CLIP2: variants seen among roughly 807,000 people sequenced by gnomAD.
CLIP2 encodes CAP-Gly domain-containing linker protein 2.
In CLIP2, 41 loss-of-function variants were observed where a neutral mutation model predicts 111.7. The observed-to-expected ratio is 0.37, with a 90% CI of 0.29 to 0.48. CLIP2 has a LOEUF of 0.48. Ranked by LOEUF, CLIP2 falls within the 20% of genes least tolerant of loss-of-function variation. The pLI, the probability that CLIP2 is intolerant of heterozygous loss-of-function variation, is 0.99. For missense variants in CLIP2, 1,160 were observed against 1,422.1 expected (o/e 0.82, Z 2.96); for synonymous variants, 660 against 644.2 (o/e 1.02, Z -0.37).
chr7:74,357,533 C>T (rs1386498601), intron 6 of CLIP2, 56 bp downstream of exon 6: 19 of 1,532,078 alleles, frequency 1.2e-5, no homozygotes, highest in Non-Finnish European at 1.4e-5. Context: ...CATAGAGTCT[C>T]ACCCACTCAG....
chr7:74,314,844 G>A (rs1788727931), intron 1 of CLIP2, among the ~76,000 whole-genome samples: 1 of 151,876 alleles, frequency 6.6e-6, no homozygotes, highest in Admixed American at 6.6e-5. Context: ...CCACCCCTCC[G>A]GCCCCCTGCA....
At chr7:74,319,235 G>A (rs142760723) in intron 2 of CLIP2, among the ~76,000 whole-genome samples, 7 of 152,262 alleles carry the variant, frequency 4.6e-5, no homozygotes, top group South Asian at 2.1e-4. Context: ...GAAAAAGGCC[G>A]GGGACGGTGG....
chr7:74,399,849 T>C (rs1791569795), intron 14 of CLIP2, among the ~76,000 whole-genome samples: 1 of 151,422 alleles, frequency 6.6e-6, no homozygotes, highest in South Asian at 2.1e-4. Flanking sequence ...CTCTGTCTCT[T>C]TTTTTAATTA....
chr7:74,381,530 G>A (rs1466457907), intron 11 of CLIP2: 3 of 449,876 alleles, frequency 6.7e-6, no homozygotes, highest in Non-Finnish European at 1.3e-5. Context: ...ATGGTTCAAA[G>A]GGCATATGGC....
At chr7:74,348,214 C>A (rs961620671) in intron 3 of CLIP2, among the ~76,000 whole-genome samples, 2 of 151,998 alleles carry the variant, frequency 1.3e-5, no homozygotes, top group Non-Finnish European at 2.9e-5. Flanking sequence ...ATTAGAGAAC[C>A]TATTTACAGA....
At chr7:74,379,463 T>C (rs2116664849) in intron 10 of CLIP2, among the ~76,000 whole-genome samples, 1 of 152,118 alleles carries the variant, frequency 6.6e-6, no homozygotes, top group East Asian at 1.9e-4. Context: ...ATATGGGAAT[T>C]TTAAAAATTA....
intron 3 of CLIP2, among the ~76,000 whole-genome samples, chr7:74,347,525 C>T (rs552456249): frequency 5.6e-4 from 86 of 152,254 alleles, no homozygotes; most frequent in Non-Finnish European, 1.1e-3. Context: ...GCCTCGGCCT[C>T]CCAAAGTGCT....
At chr7:74,342,143 A>T (rs1789672482) in intron 3 of CLIP2, among the ~76,000 whole-genome samples, 1 of 152,150 alleles carries the variant, frequency 6.6e-6, no homozygotes, top group Middle Eastern at 3.2e-3. Flanking sequence ...TGGGAGGCTG[A>T]GGCAGGTGGA....
At chr7:74,352,182 C>T (rs1005916386) in intron 3 of CLIP2, among the ~76,000 whole-genome samples, 1 of 152,098 alleles carries the variant, frequency 6.6e-6, no homozygotes, top group Non-Finnish European at 1.5e-5. Flanking sequence ...ACACCTGTAT[C>T]CCAGCACTTT....
chr7:74,401,472 C>T (rs1554317623), intron 15 of CLIP2, 33 bp from the exon 16 acceptor site: 1 of 1,609,292 alleles, frequency 6.2e-7, no homozygotes, highest in African/African-American at 1.3e-5. Context: ...CTGCCTGGTG[C>T]ACCTGGCTCA....
In CLIP2 at chr7:74,379,715, G is replaced by A. The variant is rs578013909; in HGVS notation, c.2422-1091G>A. Reference sequence around the variant, plus strand: ...CTGGAGGCAGAGGTTGCAGTGAGCCGAGATCACGCCACTGCACTCCAGCCT... The same window carrying A: ...CTGGAGGCAGAGGTTGCAGTGAGCCAAGATCACGCCACTGCACTCCAGCCT... On this transcript the variant is annotated intron_variant, in intron 10 of 16. Transcript: ENST00000223398. 6.6e-5 allele frequency among the ~76,000 whole-genome samples: 10 copies of A among 151,070 alleles called. No individual in the cohort carries two copies. The East Asian group carries it at 1.8e-3, about 27-fold the overall frequency.
chr7:74,380,743 C>A (rs369338210), intron 10 of CLIP2, 63 bp from the exon 11 acceptor site: 2 of 1,418,592 alleles, frequency 1.4e-6, no homozygotes, highest in Non-Finnish European at 1.9e-6. Flanking sequence ...GCTTGCTGGG[C>A]TGGCTGGGGC....
At chr7:74,310,013 A>G (rs1788600943) in intron 1 of CLIP2, among the ~76,000 whole-genome samples, 1 of 120,912 alleles carries the variant, frequency 8.3e-6, no homozygotes, top group Non-Finnish European at 1.8e-5. Context: ...CAGCTTGGGC[A>G]ATATGGCAAG....
chr7:74,338,497 A>G lies in CLIP2; in HGVS notation c.171A>G (p.Ala57=), dbSNP rs1554732588. Residue 57 remains alanine (A), a synonymous_variant, in exon 3 of 17, where the codon GCA becomes GCG. Coordinates refer to ENST00000223398, the MANE Select transcript of CLIP2 (RefSeq NM_003388.5). The surrounding 1 kb of genome is among the most constrained non-coding windows in gnomAD (Gnocchi z 4.3). ...QSSGPSSSPA[A]AAAPEKPGPK... is the part of the protein sequence containing the mutation. ...CTGGACCCTCCTCCTCCCCGGCCGC[A>G]GCTGCTGCCCCCGAGAAGCCGGGCC... 1 of 1,611,706 alleles carries G rather than the reference A, an allele frequency of 6.2e-7. No homozygotes were observed. The highest frequency in any genetic ancestry group is 8.5e-7 in the Non-Finnish European group (1 of 1,179,522).
chr7:74,298,513 A>G (rs543520204), intron 1 of CLIP2, among the ~76,000 whole-genome samples: 2 of 149,012 alleles, frequency 1.3e-5, no homozygotes, highest in Admixed American at 6.7e-5. Context: ...CCCTGTCTCT[A>G]TTTTTATTTA....
intron 2 of CLIP2, among the ~76,000 whole-genome samples, chr7:74,333,624 G>A (rs1292529725): frequency 2.6e-5 from 4 of 152,128 alleles, no homozygotes; most frequent in Admixed American, 2.6e-4. Flanking sequence ...TGGGACTACA[G>A]GAGCGAGCCA....
At chr7:74,322,831 G>A (rs1554730196) in intron 2 of CLIP2, among the ~76,000 whole-genome samples, 2 of 151,842 alleles carry the variant, frequency 1.3e-5, no homozygotes, top group East Asian at 2.0e-4. Context: ...CCCTGGTTCA[G>A]GCGATTCTCC....
intron 8 of CLIP2, among the ~76,000 whole-genome samples, chr7:74,372,196 C>T (rs1465560680): frequency 3.3e-5 from 5 of 152,036 alleles, no homozygotes; most frequent in African/African-American, 7.2e-5. Flanking sequence ...CAGATATTGT[C>T]GAGCTGGGAC....
At position 74,364,249 on chromosome 7, in the gene CLIP2, C is replaced by T. The variant is rs187206232; in HGVS notation, c.1320-6C>T. The T allele has an allele frequency of 6.2e-7, 1 of 1,612,764 alleles. No homozygotes were observed. The highest frequency in any genetic ancestry group is 8.5e-7 in the Non-Finnish European group (1 of 1,179,472). On this transcript the variant is annotated splice_polypyrimidine_tract_variant and splice_region_variant and intron_variant, in intron 7 of 16. Transcript: ENST00000223398. ...CAGGTCAGCCACCTCTTTCCCTCCC[C>T]TGCAGGAAGGTGGAGGATCTGCAGT...
Sources: allele counts gnomAD v4.1 joint callset (sites outside exome capture counted in the v4.1 genomes callset), GRCh38; gene constraint gnomAD v4.1.1; non-coding constraint Gnocchi (gnomAD v3.1); transcripts MANE v1.5; gene names NCBI Gene and HGNC (gene_info 2026-07-23, HGNC 2026-07-21).